CNTN4: variants seen among roughly 807,000 people sequenced by gnomAD.
CNTN4 encodes contactin 4.
Under a neutral mutation model 122.5 loss-of-function variants are expected in CNTN4, and 77 were observed. The observed-to-expected ratio is 0.63, with a 90% CI of 0.52 to 0.76. CNTN4 has a LOEUF of 0.76. CNTN4 is among the 30% of genes least tolerant of loss of function. CNTN4 has a pLI of 0.00. For missense variants in CNTN4, 1,256 were observed against 1,259.1 expected (o/e 1.00, Z 0.04); for synonymous variants, 512 against 447.0 (o/e 1.15, Z -1.83).
At chr3:2,523,356 TAAA>T (rs67485307) in intron 3 of CNTN4, among the ~76,000 whole-genome samples, 340 of 120,000 alleles carry the variant, frequency 2.8e-3, no homozygotes, top group African/African-American at 0.01. Flanking sequence ...CAAGAGACCT[TAAA>T]AAAAAAAAAA....
chr3:2,898,643 ATCTC>A (rs1477769443), intron 10 of CNTN4, among the ~76,000 whole-genome samples: 3 of 152,074 alleles, frequency 2.0e-5, no homozygotes, highest in Admixed American at 6.6e-5. Flanking sequence ...TGACATTGAA[ATCTC>A]TCTCTCTGCA....
intron 10 of CNTN4, among the ~76,000 whole-genome samples, chr3:2,888,674 A>G (rs1172129958): frequency 6.6e-6 from 1 of 151,974 alleles, no homozygotes; most frequent in African/African-American, 2.4e-5. Context: ...ATGAATATGT[A>G]TATAAATTCA....
chr3:2,172,522 A>C (rs2036562001), intron 2 of CNTN4, among the ~76,000 whole-genome samples: 1 of 152,216 alleles, frequency 6.6e-6, no homozygotes, highest in Admixed American at 6.5e-5. Context: ...ACGTAACCAA[A>C]AACCACCTGT....
intron 4 of CNTN4, among the ~76,000 whole-genome samples, chr3:2,571,949 C>T (rs1301431592): frequency 6.6e-6 from 1 of 152,164 alleles, no homozygotes; most frequent in African/African-American, 2.4e-5. Flanking sequence ...ATAGCTCTTT[C>T]AGTGTCTTTG....
At chr3:2,444,058 C>T (rs562663876) in intron 3 of CNTN4, among the ~76,000 whole-genome samples, 2 of 152,198 alleles carry the variant, frequency 1.3e-5, no homozygotes, top group Admixed American at 1.3e-4. Context: ...TTTATCTTTC[C>T]TTCATGGCAA....
intron 24 of CNTN4, among the ~76,000 whole-genome samples, chr3:3,054,874 CTG>C (rs1001129000): frequency 6.6e-6 from 1 of 152,116 alleles, no homozygotes; most frequent in African/African-American, 2.4e-5. Flanking sequence ...AAAAAAAAGA[CTG>C]TGGTTAGATA....
At chr3:2,174,119 A>G (rs972567388) in intron 2 of CNTN4, among the ~76,000 whole-genome samples, 2 of 152,140 alleles carry the variant, frequency 1.3e-5, no homozygotes, top group African/African-American at 2.4e-5. Context: ...TAAGGCCCAC[A>G]TTCATTTATT....
At chr3:2,287,827 A>G (rs2041999463) in intron 2 of CNTN4, among the ~76,000 whole-genome samples, 1 of 152,084 alleles carries the variant, frequency 6.6e-6, no homozygotes, top group African/African-American at 2.4e-5. Context: ...GAAGAAGAAG[A>G]AGGCTGATCT....
intron 2 of CNTN4, among the ~76,000 whole-genome samples, chr3:2,328,144 C>T (rs1041576866): frequency 6.6e-6 from 1 of 152,092 alleles, no homozygotes; most frequent in African/African-American, 2.4e-5. Context: ...TTTGGCCGGG[C>T]GTGGTAATCC....
At chr3:2,332,892 T>TA (rs67168655) in intron 2 of CNTN4, among the ~76,000 whole-genome samples, 18 of 151,240 alleles carry the variant, frequency 1.2e-4, no homozygotes, top group African/African-American at 1.5e-4. Context: ...AAAATAAAAT[T>TA]AAAAAAAAAT....
At chr3:2,493,867 A>G (rs1319488441) in intron 3 of CNTN4, among the ~76,000 whole-genome samples, 2 of 152,138 alleles carry the variant, frequency 1.3e-5, no homozygotes, top group African/African-American at 2.4e-5. Flanking sequence ...TGCCTGGAAT[A>G]CAGACTTGAT....
chr3:2,366,220 AC>A (rs1393795237), intron 3 of CNTN4, among the ~76,000 whole-genome samples: 1 of 152,198 alleles, frequency 6.6e-6, no homozygotes, highest in Non-Finnish European at 1.5e-5. Flanking sequence ...GTGAATTTAT[AC>A]AGGTAGAAAA....
intron 4 of CNTN4, among the ~76,000 whole-genome samples, chr3:2,601,466 C>T (rs756638865): frequency 5.3e-5 from 8 of 152,062 alleles, no homozygotes; most frequent in Non-Finnish European, 1.2e-4. Flanking sequence ...GAATCCTTTC[C>T]TCATTCCTTG....
At chr3:2,900,926 G>A (rs1157913098) in intron 11 of CNTN4, 105 bp downstream of exon 11, 35 of 1,384,532 alleles carry the variant, frequency 2.5e-5, no homozygotes, top group Middle Eastern at 3.6e-4. Context: ...AAAATAATAT[G>A]CAATGAAACA....
Position 2,937,245 on chromosome 3 carries a change from A to C in CNTN4, c.1358+11466A>C, listed in dbSNP as rs190197262. Reference sequence around the variant, plus strand: ...GCAAAGGGGAAGTGAATTTGGTGGGAGGTCCGAATTATCTCACTTTGCTCT... The same window carrying C: ...GCAAAGGGGAAGTGAATTTGGTGGGCGGTCCGAATTATCTCACTTTGCTCT... On this transcript the variant is annotated intron_variant, in intron 13 of 24. Transcript: ENST00000418658. Among the ~76,000 whole-genome samples, 251 of 152,256 alleles carry C rather than the reference A, an allele frequency of 1.6e-3. 1 individual carries two copies. The highest frequency in any genetic ancestry group is 0.015 in the Admixed American group (228 of 15,288).
rs530884221 is a variant in CNTN4 at position 2,357,120 on chromosome 3, A to G, written c.-89+17887A>G. On this transcript the variant is annotated intron_variant, in intron 3 of 24. Transcript: ENST00000418658. ...GCAGATTCTGCCCTAGGAAGCCTGT[A>G]TGGTACCTGAGATTTTGCATTTCTA... Among the ~76,000 whole-genome samples the G allele has an allele frequency of 1.4e-4, 21 of 152,300 alleles. No homozygotes were observed. The East Asian group carries it at 3.3e-3, about 24-fold the overall frequency.
chr3:2,350,734 A>G (rs1250069887), intron 3 of CNTN4, among the ~76,000 whole-genome samples: 1 of 152,194 alleles, frequency 6.6e-6, no homozygotes, highest in Admixed American at 6.5e-5. Flanking sequence ...TGATGCTTAT[A>G]CATTGAATTT....
intron 4 of CNTN4, among the ~76,000 whole-genome samples, chr3:2,735,188 T>A (rs1037965054): frequency 6.6e-6 from 1 of 152,296 alleles, no homozygotes; most frequent in South Asian, 2.1e-4. Context: ...AAATATAGTT[T>A]TAAAATTATA....
At chr3:2,350,591 T>C (rs994382223) in intron 3 of CNTN4, among the ~76,000 whole-genome samples, 7 of 152,064 alleles carry the variant, frequency 4.6e-5, no homozygotes, top group Non-Finnish European at 8.8e-5. Flanking sequence ...AGTAGAATTC[T>C]AGGAGTGGTT....
Sources: allele counts gnomAD v4.1 joint callset (sites outside exome capture counted in the v4.1 genomes callset), GRCh38; gene constraint gnomAD v4.1.1; transcripts MANE v1.5; gene names NCBI Gene and HGNC (gene_info 2026-07-23, HGNC 2026-07-21).